ITFG1: variants seen among roughly 807,000 people sequenced by gnomAD.
ITFG1 encodes integrin alpha FG-GAP repeat containing 1, also known as T-cell immunomodulatory protein.
A neutral mutation model predicts 81.8 loss-of-function variants in ITFG1; 34 were observed. That is an observed-to-expected ratio of 0.42 (90% CI 0.32 to 0.55). The LOEUF (loss-of-function observed/expected upper bound fraction) is 0.55, where lower values mean the gene tolerates loss of function less well. Ranked by LOEUF, ITFG1 falls within the 20% of genes least tolerant of loss-of-function variation. The probability of loss-of-function intolerance (pLI) is 0.17; values close to 1 mark genes in which losing one functional copy is unlikely to be tolerated. For synonymous variants in ITFG1, 285 were observed against 270.6 expected (o/e 1.05, Z -0.52); for missense variants, 672 against 755.4 (o/e 0.89, Z 1.29).
chr16:47,361,982 T>C (rs561303119), intron 8 of ITFG1, among the ~76,000 whole-genome samples: 255 of 152,324 alleles, frequency 1.7e-3, no homozygotes, highest in Non-Finnish European at 3.0e-3. Context: ...CTAAATGTGA[T>C]GGCTTTGTTG....
chr16:47,170,497 T>C (rs1445864185), intron 14 of ITFG1, among the ~76,000 whole-genome samples: 7 of 151,948 alleles, frequency 4.6e-5, no homozygotes, highest in Non-Finnish European at 1.0e-4. Flanking sequence ...TGGTGTGATC[T>C]TGGCTCACTG....
intron 8 of ITFG1, among the ~76,000 whole-genome samples, chr16:47,344,639 G>T (rs958858059): frequency 2.0e-5 from 3 of 151,990 alleles, no homozygotes; most frequent in Non-Finnish European, 4.4e-5. Flanking sequence ...AATGTTTGTG[G>T]GTACATAGTA....
chr16:47,190,594 A>G (rs995156558), intron 14 of ITFG1, among the ~76,000 whole-genome samples: 3 of 152,090 alleles, frequency 2.0e-5, no homozygotes, highest in African/African-American at 7.2e-5. Flanking sequence ...CTGCTTCTCT[A>G]TGTTTCTATC....
At chr16:47,232,372 A>T (rs1965824437) in intron 13 of ITFG1, among the ~76,000 whole-genome samples, 1 of 152,198 alleles carries the variant, frequency 6.6e-6, no homozygotes, top group African/African-American at 2.4e-5. Context: ...TTTTTGAAGT[A>T]GGAGGGAAGG....
chr16:47,442,983 A>C (rs1969273723), intron 5 of ITFG1, among the ~76,000 whole-genome samples: 1 of 152,184 alleles, frequency 6.6e-6, no homozygotes, highest in South Asian at 2.1e-4. Flanking sequence ...AATGGGAGAA[A>C]ATTTTTGCAA....
chr16:47,461,041 G>A lies in ITFG1; in HGVS notation c.5C>T (p.Ala2Val). The change falls in exon 1 of 18, where the codon GCG becomes GTG. Residue 2 changes from alanine (A) to valine (V), a missense_variant. Coordinates refer to ENST00000320640, the MANE Select transcript of ITFG1 (RefSeq NM_030790.5). The stretch of plus-strand genomic sequence containing the variant: ...GGAGCTCGGGAGCCGGCCCGCCGCC[G>A]CCATGGCAGCCCCTCAGCCCCCGCC... M[A>V]AAGRLPSSWA... 6.5e-7 allele frequency: 1 copy of A among 1,539,020 alleles called. No homozygotes were observed. Among genetic ancestry groups the A allele is most frequent in the Non-Finnish European group, 8.7e-7 (1 of 1,145,178 alleles).
intron 2 of ITFG1, among the ~76,000 whole-genome samples, chr16:47,457,547 C>T (rs184259024): frequency 6.6e-6 from 1 of 151,822 alleles, no homozygotes; most frequent in African/African-American, 2.4e-5. Flanking sequence ...TGGTAATAAA[C>T]ACTAGAAGAA....
intron 10 of ITFG1, among the ~76,000 whole-genome samples, chr16:47,282,851 AT>A (rs879684190): frequency 3.9e-5 from 6 of 152,080 alleles, no homozygotes; most frequent in Non-Finnish European, 7.4e-5. Context: ...AATGTTGAAT[AT>A]TTTTTCATGC....
In ITFG1 at chr16:47,376,372, A is replaced by T. The variant is rs142392585; in HGVS notation, c.656-432T>A. Among the ~76,000 whole-genome samples the T allele has an allele frequency of 8.7e-4, 133 of 152,260 alleles. 1 individual carries two copies. The highest frequency in any genetic ancestry group is 6.8e-3 in the Middle Eastern group (2 of 294). Reference sequence around the variant, plus strand: ...AAATAACAGTATTTCACCACCCAAAAGTTTTTGCACTCATGTTAAATGAAT... The same window carrying T: ...AAATAACAGTATTTCACCACCCAAATGTTTTTGCACTCATGTTAAATGAAT... On this transcript the variant is annotated intron_variant, in intron 6 of 17. Coordinates refer to ENST00000320640, the MANE Select transcript of ITFG1 (RefSeq NM_030790.5).
chr16:47,278,443 C>T (rs917094332), intron 10 of ITFG1, among the ~76,000 whole-genome samples: 5 of 152,108 alleles, frequency 3.3e-5, no homozygotes, highest in African/African-American at 1.2e-4. Flanking sequence ...ACAGAAGGGG[C>T]GGCTGCTGCT....
chr16:47,370,910 T>C (rs1428792425), intron 7 of ITFG1, among the ~76,000 whole-genome samples: 1 of 152,234 alleles, frequency 6.6e-6, no homozygotes, highest in Non-Finnish European at 1.5e-5. Flanking sequence ...TATTTGAAAC[T>C]ATATATTATT....
Position 47,365,838 on chromosome 16 carries a change from TC to T in ITFG1, c.751del (p.Glu251LysfsTer6). The T allele has an allele frequency of 6.2e-7, 1 of 1,604,534 alleles. No homozygotes were observed. The highest frequency in any genetic ancestry group is 8.5e-7 in the Non-Finnish European group (1 of 1,171,654). On this transcript the variant is annotated frameshift_variant, in exon 8 of 18. Coordinates refer to ENST00000320640, the MANE Select transcript of ITFG1 (RefSeq NM_030790.5). LOFTEE classifies it high-confidence loss of function. ...DGNFSVSTIL[E>X]KPQNMMVVGQ... Reference sequence around the variant, plus strand: ...AACCACCATCATATTTTGAGGTTTTTCCAATATAGTACTGACAGAGAAGTTT... The same window carrying T: ...AACCACCATCATATTTTGAGGTTTTTCAATATAGTACTGACAGAGAAGTTT...
intron 8 of ITFG1, among the ~76,000 whole-genome samples, chr16:47,340,785 T>C (rs941716183): frequency 3.9e-5 from 6 of 151,992 alleles, no homozygotes; most frequent in African/African-American, 1.5e-4. Context: ...AGACTCTACA[T>C]AGAAAAACAC....
intron 10 of ITFG1, among the ~76,000 whole-genome samples, chr16:47,297,369 C>T (rs1966998889): frequency 6.6e-6 from 1 of 152,100 alleles, no homozygotes; most frequent in Admixed American, 6.5e-5. Flanking sequence ...TTTTTAAAAA[C>T]CCATTCCATC....
intron 6 of ITFG1, among the ~76,000 whole-genome samples, chr16:47,378,534 C>T (rs752285001): frequency 3.9e-5 from 6 of 152,180 alleles, no homozygotes; most frequent in Non-Finnish European, 8.8e-5. Context: ...ATTATGCCCT[C>T]TTCTTTCATG....
intron 5 of ITFG1, among the ~76,000 whole-genome samples, chr16:47,442,296 C>T (rs753219730): frequency 3.5e-4 from 54 of 152,144 alleles, no homozygotes; most frequent in Non-Finnish European, 6.8e-4. Context: ...CATCAAACTA[C>T]CAATGACTTT....
intron 14 of ITFG1, among the ~76,000 whole-genome samples, chr16:47,216,222 C>T (rs1034312855): frequency 6.6e-5 from 10 of 150,816 alleles, no homozygotes; most frequent in East Asian, 1.9e-4. Flanking sequence ...TTTTCTGAGA[C>T]GGAGTTTTGT....
intron 10 of ITFG1, 145 bp from the exon 11 acceptor site, chr16:47,260,840 A>C (rs1966202369): frequency 2.3e-6 from 2 of 881,118 alleles, no homozygotes; most frequent in Non-Finnish European, 3.4e-6. Context: ...TGTTTATAGT[A>C]CTGTCATTAA....
intron 1 of ITFG1, 34 bp from the exon 2 acceptor site, chr16:47,459,209 G>A: frequency 1.5e-6 from 2 of 1,371,594 alleles, no homozygotes; most frequent in African/African-American, 2.8e-5. Flanking sequence ...TTAGAAAAAT[G>A]TTTGTTGATA....
Sources: gnomAD v4.1 joint callset for allele counts (sites outside exome capture counted in the v4.1 genomes callset) on GRCh38, gnomAD v4.1.1 for gene constraint, MANE v1.5 for transcripts, NCBI Gene and HGNC (gene_info 2026-07-23, HGNC 2026-07-21) for gene names.